Variants in KCTD1 observed in about 807,000 individuals in gnomAD.
KCTD1 encodes the protein BTB/POZ domain-containing protein KCTD1.
Under a neutral mutation model 66.0 loss-of-function variants are expected in KCTD1, and 24 were observed. The observed-to-expected ratio is 0.36, with a 90% CI of 0.26 to 0.51. KCTD1 has a LOEUF of 0.51. Ranked by LOEUF, KCTD1 falls within the 20% of genes least tolerant of loss-of-function variation. The pLI is 0.95. For missense variants in KCTD1, 943 were observed against 1,205.2 expected, an observed-to-expected ratio of 0.78 and a Z score of 3.22; for synonymous variants, 511 against 517.2, an observed-to-expected ratio of 0.99 and a Z score of 0.16.
rs1906564359 is a variant in KCTD1 at position 26,547,241 on chromosome 18, G to A, written c.1296C>T (p.Gly432=). The A allele has an allele frequency of 3.2e-6, 5 of 1,551,502 alleles. No homozygotes were observed. Among genetic ancestry groups the A allele is most frequent in the African/African-American group, 1.4e-5 (1 of 73,064 alleles). The change falls in exon 1 of 5, where the codon GGC becomes GGT. Residue 432 remains glycine, a synonymous_variant. Transcript: ENST00000580059. ...CCTTGGAGAGCATCTGCATCCGAGT[G>A]CCTAGCAAGTTCTTGCCGATGGCTT... ...ENKAIGKNLL[G]TRMQMLSKAA... is the part of the protein sequence containing the mutation.
At chr18:26,550,557 G>GACACACACACACACACACAC (rs907937404), upstream of KCTD1, among the ~76,000 whole-genome samples, 19 of 83,678 alleles carry the variant, frequency 2.3e-4, no homozygotes, top group African/African-American at 1.1e-3. This position sits in a 1 kb window ranked among gnomAD's most constrained non-coding sequence, Gnocchi z 5.4. Flanking sequence ...GGAAACACAA[G>GACACACACACACACACACAC]ACACACAGAC....
intron 1 of KCTD1, among the ~76,000 whole-genome samples, chr18:26,522,878 G>T (rs1370469737): frequency 6.6e-6 from 1 of 152,010 alleles, no homozygotes; most frequent in Non-Finnish European, 1.5e-5. Context: ...CAGTAATTTG[G>T]TCAAGTCACA....
At chr18:26,570,189 A>AT (rs1481620480) in intron 1 of KCTD1, among the ~76,000 whole-genome samples, 11 of 88,770 alleles carry the variant, frequency 1.2e-4, no homozygotes, top group African/African-American at 3.3e-4. Context: ...CCATCTAAAA[A>AT]AAATATATAT....
At chr18:26,480,559 G>A (rs1408465587) in intron 2 of KCTD1, among the ~76,000 whole-genome samples, 1 of 152,166 alleles carries the variant, frequency 6.6e-6, no homozygotes, top group Non-Finnish European at 1.5e-5. Flanking sequence ...CCCAAGGTCA[G>A]GAGTTCAAGA....
chr18:26,652,415 T>C (rs189069262), intron 1 of KCTD1, among the ~76,000 whole-genome samples: 21 of 152,298 alleles, frequency 1.4e-4, no homozygotes, highest in Admixed American at 1.4e-3. Context: ...GTGTCTTCAG[T>C]TGAGTGATTT....
chr18:26,646,207 T>G (rs1306439533), intron 1 of KCTD1, among the ~76,000 whole-genome samples: 1 of 152,244 alleles, frequency 6.6e-6, no homozygotes, highest in Non-Finnish European at 1.5e-5. Flanking sequence ...TTTCATGCTG[T>G]TACGTCCCTC....
intron 1 of KCTD1, among the ~76,000 whole-genome samples, chr18:26,557,425 A>C (rs1985732875): frequency 6.6e-6 from 1 of 152,170 alleles, no homozygotes; most frequent in African/African-American, 2.4e-5. Context: ...TTCACTATTA[A>C]CTTTGCTTTC....
intron 1 of KCTD1, among the ~76,000 whole-genome samples, chr18:26,503,904 TC>T (rs1982895610): frequency 6.6e-6 from 1 of 152,204 alleles, no homozygotes; most frequent in South Asian, 2.1e-4. Flanking sequence ...AGCAATGCCC[TC>T]CTTTGGTGAG....
At chr18:26,637,069 C>A (rs896280822) in intron 1 of KCTD1, among the ~76,000 whole-genome samples, 2 of 152,200 alleles carry the variant, frequency 1.3e-5, no homozygotes, top group Non-Finnish European at 2.9e-5. Flanking sequence ...CCTCGGAGGG[C>A]TTCAGACCCC....
intron 1 of KCTD1, among the ~76,000 whole-genome samples, chr18:26,506,639 A>G (rs78050953): frequency 0.11 from 16,308 of 152,244 alleles, 1,091 homozygotes; most frequent in Non-Finnish European, 0.14. Context: ...TTAAATGATA[A>G]TTTACAATGA....
At chr18:26,464,820 G>A (rs1160324155) in intron 3 of KCTD1, among the ~76,000 whole-genome samples, 1 of 152,174 alleles carries the variant, frequency 6.6e-6, no homozygotes, top group East Asian at 1.9e-4. Flanking sequence ...CTAGCAGGCA[G>A]GGCACCTATG....
At chr18:26,473,893 G>T (rs1017041793) in intron 3 of KCTD1, among the ~76,000 whole-genome samples, 7 of 152,172 alleles carry the variant, frequency 4.6e-5, no homozygotes, top group African/African-American at 1.7e-4. Context: ...GCATATAGTT[G>T]CCATGTAAAA....
chr18:26,604,043 G>A (rs867294391), intron 1 of KCTD1, among the ~76,000 whole-genome samples: 2 of 150,460 alleles, frequency 1.3e-5, no homozygotes, highest in East Asian at 3.9e-4. Flanking sequence ...GCATCTATAA[G>A]GAACTTAAAC....
At chr18:26,530,921 A>C (rs142020954) in intron 1 of KCTD1, among the ~76,000 whole-genome samples, 1 of 152,370 alleles carries the variant, frequency 6.6e-6, no homozygotes, top group East Asian at 1.9e-4. Context: ...AAGAGGGCAA[A>C]GATGATCAAG....
rs73944611 is a variant in KCTD1 at position 26,509,035 on chromosome 18, A to T, written c.1810-7785T>A. Among the ~76,000 whole-genome samples, 1,438 of 152,334 alleles carry T rather than the reference A, an allele frequency of 9.4e-3. 27 individuals carry two copies. The highest frequency in any genetic ancestry group is 0.031 in the African/African-American group (1,288 of 41,582). ...AGAGGCCTCACTGGTTTCTTCATTCATTCAAGTGCTATTTATTGGGCACCT... is the reference window on the plus strand; with the variant it reads ...AGAGGCCTCACTGGTTTCTTCATTCTTTCAAGTGCTATTTATTGGGCACCT... On this transcript the variant is annotated intron_variant, in intron 1 of 4. Coordinates refer to ENST00000580059, the MANE Select transcript of KCTD1 (RefSeq NM_001142730.3).
chr18:26,553,158 T>A (rs1053107454), upstream of KCTD1, among the ~76,000 whole-genome samples: 1 of 152,022 alleles, frequency 6.6e-6, no homozygotes, highest in Non-Finnish European at 1.5e-5. Flanking sequence ...GCCTTCCTAA[T>A]TTTTGTATTT....
At chr18:26,541,817 AT>A (rs1363539342) in intron 1 of KCTD1, among the ~76,000 whole-genome samples, 1 of 152,166 alleles carries the variant, frequency 6.6e-6, no homozygotes, top group Non-Finnish European at 1.5e-5. Flanking sequence ...TGAAAAGATC[AT>A]TTATTTCTGG....
At chr18:26,601,341 A>AAAAG (rs1986893863) in intron 1 of KCTD1, among the ~76,000 whole-genome samples, 1 of 151,260 alleles carries the variant, frequency 6.6e-6, no homozygotes, top group Admixed American at 6.6e-5. Flanking sequence ...AAAAAAAAAA[A>AAAAG]AAAAAAAAGA....
rs1407246808 is a variant in KCTD1, at chr18:26,476,689, C to T, written c.1989-30G>A. 1.9e-6 allele frequency: 3 copies of T among 1,600,444 alleles called. No homozygotes were observed. The highest frequency in any genetic ancestry group is 1.7e-5 in the Admixed American group (1 of 57,998). On this transcript the variant is annotated intron_variant, in intron 2 of 4. Transcript: ENST00000580059. The surrounding 1 kb of genome is among the most constrained non-coding windows in gnomAD (Gnocchi z 4.9). ...GATAGAAAAGAGGGAACAGTGAAGACAATTAGATCAATTGTTCGGGCACTA... is the reference window on the plus strand; with the variant it reads ...GATAGAAAAGAGGGAACAGTGAAGATAATTAGATCAATTGTTCGGGCACTA...
Sources: gnomAD v4.1 joint callset for allele counts (sites outside exome capture counted in the v4.1 genomes callset) on GRCh38, gnomAD v4.1.1 for gene constraint, Gnocchi (gnomAD v3.1) non-coding constraint, MANE v1.5 for transcripts, NCBI Gene and HGNC (gene_info 2026-07-23, HGNC 2026-07-21) for gene names.